The following NEDD4 variants were observed in gnomAD, a reference collection of about 807,000 sequenced individuals.
The protein encoded by NEDD4 is NEDD4 E3 ubiquitin protein ligase.
In NEDD4, 99 loss-of-function variants were observed where a neutral mutation model predicts 144.9. The observed-to-expected ratio is 0.68, with a 90% CI of 0.58 to 0.81. The LOEUF (loss-of-function observed/expected upper bound fraction) is 0.81, where lower values mean the gene tolerates loss of function less well. NEDD4 is among the 30% of genes least tolerant of loss of function. NEDD4 has a pLI of 0.00. For missense variants in NEDD4, 985 were observed against 1,065.9 expected (o/e 0.92, Z 1.06); for synonymous variants, 318 against 350.6 (o/e 0.91, Z 1.04).
chr15:55,872,821 C>T (rs556320934), intron 6 of NEDD4, among the ~76,000 whole-genome samples: 20 of 150,648 alleles, frequency 1.3e-4, no homozygotes, highest in African/African-American at 4.9e-4. Flanking sequence ...TTGGTTAGAG[C>T]ATAGAGATAA....
intron 5 of NEDD4, among the ~76,000 whole-genome samples, chr15:55,900,297 T>A (rs1378015793): frequency 6.6e-6 from 1 of 152,150 alleles, no homozygotes; most frequent in Non-Finnish European, 1.5e-5. Flanking sequence ...TGCCTGGGAA[T>A]CCCAGAAATA....
chr15:55,919,330 T>C (rs542399923), intron 5 of NEDD4, among the ~76,000 whole-genome samples: 1 of 152,294 alleles, frequency 6.6e-6, no homozygotes, highest in South Asian at 2.1e-4. Context: ...CCGCCACTTT[T>C]AAAGAAATAT....
rs61732704 is a variant in NEDD4, at chr15:55,951,568, C to T, written c.141G>A (p.Thr47=). 99,283 of 1,498,252 alleles carry T rather than the reference C, an allele frequency of 0.066. 3,721 individuals are homozygous for T. The highest frequency in any genetic ancestry group is 0.13 in the Admixed American group (5,713 of 43,910). The allele number at this position is 1,498,252 out of a possible 1,614,324, so 92.8% of individuals were successfully genotyped here. The part of the protein sequence containing the change: ...LGASDPYVRV[T]LYDPMNGVLT... ...GAACTCCATTCATTGGGTCATATAA[C>T]GTCACTCTCACGTAAGGATCACTGT... The change falls in exon 3 of 29, where the codon ACG becomes ACA. Residue 47 remains threonine (T), a synonymous_variant. Coordinates refer to ENST00000435532, the MANE Select transcript of NEDD4 (RefSeq NM_006154.4).
At chr15:55,878,507 A>T (rs943022705) in intron 5 of NEDD4, among the ~76,000 whole-genome samples, 3 of 152,250 alleles carry the variant, frequency 2.0e-5, no homozygotes, top group African/African-American at 7.2e-5. Flanking sequence ...AAATAAAAAA[A>T]GTCTGACAAA....
intron 4 of NEDD4, among the ~76,000 whole-genome samples, chr15:55,929,093 G>T (rs568568954): frequency 1.3e-4 from 20 of 152,276 alleles, no homozygotes; most frequent in African/African-American, 4.6e-4. Flanking sequence ...ATGAAGCAGG[G>T]ATGGAAGTGA....
chr15:55,840,450 A>G lies in NEDD4; in HGVS notation c.2028T>C (p.Ser676=), dbSNP rs766439621. The G allele has an allele frequency of 6.2e-7, 1 of 1,613,102 alleles. No homozygotes were observed. Among genetic ancestry groups the G allele is most frequent in the Non-Finnish European group, 8.5e-7 (1 of 1,179,600 alleles). ...ACTATAAGTGAAAAAGACATACCAC[A>G]GATTCCATATCATGAAGGGTTATTG... The part of the protein sequence containing the change: ...HKPITLHDME[S]VDSEYYNSLR... The change falls in exon 21 of 29, where the codon TCT becomes TCC. Residue 676 remains serine, a synonymous_variant. Transcript: ENST00000435532.
chr15:55,851,462 T>C (rs2033977164), intron 13 of NEDD4, among the ~76,000 whole-genome samples: 1 of 151,634 alleles, frequency 6.6e-6, no homozygotes, highest in African/African-American at 2.4e-5. Flanking sequence ...ATATAAACAA[T>C]ATTTTACATT....
At chr15:55,892,377 G>C (rs2035600027) in intron 5 of NEDD4, among the ~76,000 whole-genome samples, 1 of 151,280 alleles carries the variant, frequency 6.6e-6, no homozygotes, top group Admixed American at 6.6e-5. Context: ...AAAGGCAAAG[G>C]ATTATAGAAA....
chr15:55,945,669 G>C (rs574666996), intron 4 of NEDD4, among the ~76,000 whole-genome samples: 1 of 151,978 alleles, frequency 6.6e-6, no homozygotes, highest in Non-Finnish European at 1.5e-5. Flanking sequence ...ACACCACAAA[G>C]ATATTCCTCG....
chr15:55,938,155 T>TG (rs1169784937), intron 4 of NEDD4, among the ~76,000 whole-genome samples: 2 of 152,076 alleles, frequency 1.3e-5, no homozygotes, highest in Non-Finnish European at 2.9e-5. Context: ...AGTCAAGAGA[T>TG]GGAGACCATC....
chr15:55,967,987 A>G (rs1455874370), intron 1 of NEDD4, among the ~76,000 whole-genome samples: 7 of 152,210 alleles, frequency 4.6e-5, no homozygotes, highest in Admixed American at 2.0e-4. Context: ...TGGGTGACAG[A>G]GCAAGACCTT....
At chr15:55,870,691 G>A (rs1222301456) in intron 7 of NEDD4, among the ~76,000 whole-genome samples, 2 of 151,786 alleles carry the variant, frequency 1.3e-5, no homozygotes, top group East Asian at 1.9e-4. Flanking sequence ...ACACTGCCAT[G>A]CCCGGTTAAT....
At chr15:55,965,849 C>T (rs1485833941) in intron 2 of NEDD4, among the ~76,000 whole-genome samples, 2 of 152,084 alleles carry the variant, frequency 1.3e-5, no homozygotes, top group African/African-American at 4.8e-5. Context: ...CAGGGTTTCA[C>T]CATGTTGGTC....
At chr15:55,884,239 T>G (rs1229996981) in intron 5 of NEDD4, among the ~76,000 whole-genome samples, 1 of 152,094 alleles carries the variant, frequency 6.6e-6, no homozygotes, top group Non-Finnish European at 1.5e-5. Context: ...GAATGTCCCC[T>G]AACACACATA....
intron 5 of NEDD4, among the ~76,000 whole-genome samples, chr15:55,914,570 AT>A (rs1327832106): frequency 6.6e-6 from 1 of 152,052 alleles, no homozygotes; most frequent in African/African-American, 2.4e-5. Flanking sequence ...AGAATTCAAT[AT>A]TGTTGAAAGA....
chr15:55,983,365 C>A (rs562024998), intron 1 of NEDD4, among the ~76,000 whole-genome samples: 1 of 152,184 alleles, frequency 6.6e-6, no homozygotes, highest in Non-Finnish European at 1.5e-5. Context: ...ATCCTTAACA[C>A]GGCATGCCAG....
intron 4 of NEDD4, chr15:55,934,653 TA>T (rs1255977902): frequency 6.6e-6 from 1 of 151,768 alleles, no homozygotes; most frequent in African/African-American, 2.4e-5. Flanking sequence ...ACCCAAACAG[TA>T]AAAAAGGATA....
At position 55,829,318 on chromosome 15, in the gene NEDD4, A is replaced by G. The variant is rs1339545881; in HGVS notation, c.*579T>C. On this transcript the variant is annotated 3_prime_UTR_variant, in exon 29 of 29. Coordinates refer to ENST00000435532, the MANE Select transcript of NEDD4 (RefSeq NM_006154.4). ...AGTTGGCTAGAAATATAGGTAACACACTTTCCAAAGTTTTTTCCCAAAAAT... is the reference window on the plus strand; with the variant it reads ...AGTTGGCTAGAAATATAGGTAACACGCTTTCCAAAGTTTTTTCCCAAAAAT... 2 of 152,358 alleles carry G rather than the reference A, an allele frequency of 1.3e-5. No individual in the cohort carries two copies. Among genetic ancestry groups the G allele is most frequent in the Middle Eastern group, 3.2e-3 (1 of 316 alleles). 9.4% of individuals were successfully genotyped at this position (152,358 alleles called of 1,614,324 possible). A position where few individuals can be genotyped will look rare whatever the true frequency, so the allele number is the denominator to read the frequency against.
At chr15:55,843,504 A>G (rs1452445076) in intron 18 of NEDD4, among the ~76,000 whole-genome samples, 2 of 152,204 alleles carry the variant, frequency 1.3e-5, no homozygotes, top group Non-Finnish European at 2.9e-5. Flanking sequence ...TAAATTTTAC[A>G]AAAGATATAT....
Sources: allele counts gnomAD v4.1 joint callset (sites outside exome capture counted in the v4.1 genomes callset), GRCh38; gene constraint gnomAD v4.1.1; transcripts MANE v1.5; gene names NCBI Gene and HGNC (gene_info 2026-07-23, HGNC 2026-07-21).